DDX49: variants seen among roughly 807,000 people sequenced by gnomAD.
DDX49 encodes probable ATP-dependent RNA helicase DDX49.
In DDX49, 50 loss-of-function variants were observed where a neutral mutation model predicts 56.3. That is an observed-to-expected ratio of 0.89 (90% CI 0.71 to 1.12). The LOEUF (loss-of-function observed/expected upper bound fraction) is 1.12, where lower values mean the gene tolerates loss of function less well. Ranked by LOEUF, DDX49 falls within the 50% of genes most tolerant of loss-of-function variation. The probability of loss-of-function intolerance (pLI) is 0.00; values close to 1 mark genes in which losing one functional copy is unlikely to be tolerated. For missense variants in DDX49, 614 were observed against 650.5 expected (o/e 0.94, Z 0.61); for synonymous variants, 269 against 270.6 (o/e 0.99, Z 0.06).
chr19:18,920,736 T>G, intron 2 of DDX49, 33 bp downstream of exon 2: 1 of 1,577,664 alleles, frequency 6.3e-7, no homozygotes, highest in Non-Finnish European at 8.7e-7. Flanking sequence ...GGGTATGGGT[T>G]AACCAGCTGT....
At chr19:18,923,201 G>GTAA (rs2056933318) in intron 6 of DDX49, among the ~76,000 whole-genome samples, 1 of 152,162 alleles carries the variant, frequency 6.6e-6, no homozygotes, top group African/African-American at 2.4e-5. Flanking sequence ...AGAAATCAAG[G>GTAA]CGCTTTAAAT....
rs972229249 is a variant in DDX49 at position 18,927,979 on chromosome 19, C to A, written c.1206C>A (p.Ala402=). 6.2e-7 allele frequency: 1 copy of A among 1,613,856 alleles called. No homozygotes were observed. The highest frequency in any genetic ancestry group is 8.5e-7 in the Non-Finnish European group (1 of 1,179,980). Residue 402 remains alanine (A), a synonymous_variant, in exon 12 of 13, where the codon GCC becomes GCA. Transcript: ENST00000247003. ...RRECEIKLEA[A]HFDEKKEINK... is the part of the protein sequence containing the mutation. ...CCCTCCACCAGAAACTGGAGGCGGCCCACTTTGACGAAAAGAAGGAGATCA... is the reference window on the plus strand; with the variant it reads ...CCCTCCACCAGAAACTGGAGGCGGCACACTTTGACGAAAAGAAGGAGATCA...
At chr19:18,922,094 G>T in intron 4 of DDX49, 130 bp downstream of exon 4, 1 of 1,327,618 alleles carries the variant, frequency 7.5e-7, no homozygotes, top group Admixed American at 2.5e-5. Context: ...TAAAACGCTA[G>T]GAACAGTGAC....
chr19:18,921,429 G>C (rs1029710750), intron 2 of DDX49, among the ~76,000 whole-genome samples: 52 of 152,208 alleles, frequency 3.4e-4, no homozygotes, highest in African/African-American at 8.9e-4. Flanking sequence ...GGGATAGGAA[G>C]AGATGCTGAG....
intron 6 of DDX49, among the ~76,000 whole-genome samples, chr19:18,923,337 C>T (rs1057106594): frequency 1.3e-5 from 2 of 152,138 alleles, no homozygotes; most frequent in East Asian, 1.9e-4. Flanking sequence ...GCCTGCCCAA[C>T]GTGGTGAAAC....
rs764809982 is a variant in DDX49, at chr19:18,928,046, G to A, written c.1263+10G>A. On this transcript the variant is annotated intron_variant, in intron 12 of 12. Transcript: ENST00000247003. The stretch of plus-strand genomic sequence containing the variant: ...GATCCTGGAGGGGAAGGTGAGGGCC[G>A]AGCCCGCAGGTAGGGGGTGGGTGGC... 44 of 1,613,576 alleles carry A rather than the reference G, an allele frequency of 2.7e-5. 1 individual carries two copies. Among genetic ancestry groups the A allele is most frequent in the Middle Eastern group, 1.6e-4 (1 of 6,084 alleles).
At chr19:18,921,541 T>G (rs535493513) in intron 2 of DDX49, 122 bp from the exon 3 acceptor site, 2 of 911,014 alleles carry the variant, frequency 2.2e-6, no homozygotes, top group East Asian at 2.4e-5. Flanking sequence ...AGAGCCTTTG[T>G]GAACAGGACT....
In DDX49 at chr19:18,919,901, C is replaced by T. The variant is rs760230106; in HGVS notation, c.115+45C>T. On this transcript the variant is annotated intron_variant, in intron 1 of 12. Coordinates refer to ENST00000247003, the MANE Select transcript of DDX49 (RefSeq NM_019070.5). ...TTCCCCAAGAGGCCTCTCCGCTCCT[C>T]TCGACTCCTTTCCCTTCTCGCAACC... 4 of 1,411,642 alleles carry T rather than the reference C, an allele frequency of 2.8e-6. No individual in the cohort carries two copies. The African/African-American group carries it at 4.3e-5, about 15-fold the overall frequency. The allele number at this position is 1,411,642 out of a possible 1,614,324, so 87.4% of individuals were successfully genotyped here.
rs1568331116 is a variant in DDX49 at position 18,926,383 on chromosome 19, TG to T, written c.1102+10del. On this transcript the variant is annotated splice_region_variant and intron_variant, in intron 10 of 12. Transcript: ENST00000247003. ...CGCCATCGAGGAGCAGATCAGTGAG[TG>T]GGGTTGGGGTGGGTGGTAGAGAAGG... The T allele has an allele frequency of 1.7e-6, 1 of 593,832 alleles. No individual in the cohort carries two copies. Among genetic ancestry groups the T allele is most frequent in the South Asian group, 3.5e-5 (1 of 28,930 alleles). 36.8% of individuals were successfully genotyped at this position (593,832 alleles called of 1,614,324 possible).
Position 18,924,987 on chromosome 19 carries a change from G to A in DDX49, c.1027+8G>A. The stretch of plus-strand genomic sequence containing the variant: ...GCCGGACGGCCCGTGCAGGTGAGCA[G>A]TGGAGGGGGAGGCCGAGCCTTGGGC... On this transcript the variant is annotated splice_region_variant and intron_variant, in intron 9 of 12. Coordinates refer to ENST00000247003, the MANE Select transcript of DDX49 (RefSeq NM_019070.5). 1.2e-6 allele frequency: 2 copies of A among 1,609,000 alleles called. No individual in the cohort carries two copies. The highest frequency in any genetic ancestry group is 1.7e-6 in the Non-Finnish European group (2 of 1,179,474).
chr19:18,926,523 C>T, intron 10 of DDX49, 146 bp downstream of exon 10: 3 of 822,290 alleles, frequency 3.6e-6, no homozygotes, highest in Non-Finnish European at 1.9e-6. Context: ...CCCTAGGCAC[C>T]CCCAAAAGAA....
chr19:18,922,205 A>C (rs1394885328), intron 4 of DDX49, 121 bp from the exon 5 acceptor site: 3 of 1,318,364 alleles, frequency 2.3e-6, no homozygotes, highest in Non-Finnish European at 3.1e-6. Context: ...CCTCCCTTGG[A>C]AGGAGGGTAC....
rs562591076 is a variant in DDX49, at chr19:18,922,517, A to G, written c.635+4A>G. 1.2e-6 allele frequency: 2 copies of G among 1,600,436 alleles called. No homozygotes were observed. The highest frequency in any genetic ancestry group is 1.3e-5 in the African/African-American group (1 of 74,932). ...TCTTCTGGGAAGCACAGGCCCCGTGAGTCCACAGCCCAGACAGCGTGGGGA... is the reference window on the plus strand; with the variant it reads ...TCTTCTGGGAAGCACAGGCCCCGTGGGTCCACAGCCCAGACAGCGTGGGGA... On this transcript the variant is annotated splice_donor_region_variant and intron_variant, in intron 5 of 12. Coordinates refer to ENST00000247003, the MANE Select transcript of DDX49 (RefSeq NM_019070.5).
intron 6 of DDX49, among the ~76,000 whole-genome samples, chr19:18,923,878 G>C (rs1002603895): frequency 5.3e-5 from 8 of 150,406 alleles, no homozygotes; most frequent in Non-Finnish European, 1.5e-5. Flanking sequence ...CGCAATCTCG[G>C]CTCACTGCAA....
At position 18,924,997 on chromosome 19, in the gene DDX49, A is replaced by T. The variant is rs781431737; in HGVS notation, c.1027+18A>T. On this transcript the variant is annotated intron_variant, in intron 9 of 12. Coordinates refer to ENST00000247003, the MANE Select transcript of DDX49 (RefSeq NM_019070.5). ...CCGTGCAGGTGAGCAGTGGAGGGGG[A>T]GGCCGAGCCTTGGGCCTCTGTCCCT... is the stretch of plus-strand genomic sequence containing the variant. 3.1e-6 allele frequency: 5 copies of T among 1,605,674 alleles called. No homozygotes were observed. Among genetic ancestry groups the T allele is most frequent in the Non-Finnish European group, 4.2e-6 (5 of 1,178,578 alleles).
chr19:18,922,778 C>T, intron 6 of DDX49, 34 bp downstream of exon 6: 1 of 1,600,292 alleles, frequency 6.2e-7, no homozygotes, highest in Non-Finnish European at 8.5e-7. Context: ...TCCCACCGCC[C>T]TTCAAAGGAG....
At position 18,924,694 on chromosome 19, in the gene DDX49, C is replaced by A; in HGVS notation, c.924C>A (p.Ala308=). The change falls in exon 8 of 13, where the codon GCC becomes GCA. Residue 308 remains alanine (A), a synonymous_variant. Coordinates refer to ENST00000247003, the MANE Select transcript of DDX49 (RefSeq NM_019070.5). The part of the protein sequence containing the change: ...IYRILIATDV[A]SRGLDIPTVQ... Reference sequence around the variant, plus strand: ...GGATCCTGATCGCAACAGACGTGGCCTCCCGGTGAGCAGCCCCCAGTCTCC... The same window carrying A: ...GGATCCTGATCGCAACAGACGTGGCATCCCGGTGAGCAGCCCCCAGTCTCC... 1.2e-6 allele frequency: 2 copies of A among 1,614,238 alleles called. No individual in the cohort carries two copies. Among genetic ancestry groups the A allele is most frequent in the Non-Finnish European group, 1.7e-6 (2 of 1,180,036 alleles).
At chr19:18,923,749 G>A (rs999454) in intron 6 of DDX49, among the ~76,000 whole-genome samples, 7,911 of 151,706 alleles carry the variant, frequency 0.052, 421 homozygotes, top group African/African-American at 0.14. Context: ...CCAGCTCCAG[G>A]GAGGGATCAG....
chr19:18,927,984 T>A lies in DDX49; in HGVS notation c.1211T>A (p.Phe404Tyr). 2 of 1,613,810 alleles carry A rather than the reference T, an allele frequency of 1.2e-6. No homozygotes were observed. Among genetic ancestry groups the A allele is most frequent in the South Asian group, 2.2e-5 (2 of 91,066 alleles). Residue 404 changes from phenylalanine (F) to tyrosine (Y), a missense_variant, in exon 12 of 13, where the codon TTT becomes TAT. Transcript: ENST00000247003. Reference sequence around the variant, plus strand: ...CACCAGAAACTGGAGGCGGCCCACTTTGACGAAAAGAAGGAGATCAACAAA... The same window carrying A: ...CACCAGAAACTGGAGGCGGCCCACTATGACGAAAAGAAGGAGATCAACAAA... Reference protein sequence around the residue: ...ECEIKLEAAHFDEKKEINKRK... With the variant: ...ECEIKLEAAHYDEKKEINKRK...
Sources: gnomAD v4.1 joint callset for allele counts (sites outside exome capture counted in the v4.1 genomes callset) on GRCh38, gnomAD v4.1.1 for gene constraint, MANE v1.5 for transcripts, NCBI Gene and HGNC (gene_info 2026-07-23, HGNC 2026-07-21) for gene names.